DDO: variants seen among roughly 807,000 people sequenced by gnomAD.
The protein encoded by DDO is D-aspartate oxidase, DDO.
A neutral mutation model predicts 16.8 loss-of-function variants in DDO; 16 were observed. The ratio of observed to expected loss-of-function variants is 0.95; its 90% CI spans 0.65 to 1.45. The LOEUF (loss-of-function observed/expected upper bound fraction) is 1.45. DDO is among the 40% of genes most tolerant of loss of function. The probability of loss-of-function intolerance (pLI) is 0.00; values close to 1 mark genes in which losing one functional copy is unlikely to be tolerated. For synonymous variants in DDO, 180 were observed against 167.2 expected (o/e 1.08, Z -0.59); for missense variants, 429 against 420.3 (o/e 1.02, Z -0.18).
intron 4 of DDO, among the ~76,000 whole-genome samples, chr6:110,403,415 G>A (rs1773547212): frequency 6.6e-6 from 1 of 152,162 alleles, no homozygotes; most frequent in Non-Finnish European, 1.5e-5. Context: ...CAGGAAAGAT[G>A]GTGATGCTGC....
intron 4 of DDO, among the ~76,000 whole-genome samples, chr6:110,397,173 A>G (rs796570491): frequency 3.1e-4 from 47 of 152,290 alleles, no homozygotes; most frequent in African/African-American, 1.1e-3. Flanking sequence ...AAAAAGCATA[A>G]CACTGTGTCT....
chr6:110,414,435 C>G (rs974028584), intron 1 of DDO, among the ~76,000 whole-genome samples: 2 of 152,156 alleles, frequency 1.3e-5, no homozygotes, highest in African/African-American at 4.8e-5. Flanking sequence ...TAAGAGAGAC[C>G]CAGTGAGGCG....
chr6:110,415,410 C>G, intron 1 of DDO, 57 bp downstream of exon 1: 1 of 1,606,560 alleles, frequency 6.2e-7, no homozygotes, highest in Non-Finnish European at 8.5e-7. Flanking sequence ...GACACACTCC[C>G]AAACTCCCAG....
At chr6:110,415,394 T>A in intron 1 of DDO, 73 bp downstream of exon 1, 3 of 1,592,480 alleles carry the variant, frequency 1.9e-6, no homozygotes, top group Non-Finnish European at 2.6e-6. Flanking sequence ...CCCCTGACCC[T>A]ATTCAGACAC....
intron 4 of DDO, among the ~76,000 whole-genome samples, chr6:110,400,497 CG>C (rs1388176835): frequency 6.6e-6 from 1 of 152,186 alleles, no homozygotes; most frequent in Admixed American, 6.5e-5. Flanking sequence ...GGGAGGCTGG[CG>C]TCCCTGCCTC....
downstream of DDO, among the ~76,000 whole-genome samples, chr6:110,389,642 T>A (rs1773068680): frequency 6.6e-6 from 1 of 152,186 alleles, no homozygotes; most frequent in South Asian, 2.1e-4. Context: ...AAGCAAAGCA[T>A]CCTATATGGT....
intron 4 of DDO, among the ~76,000 whole-genome samples, chr6:110,402,466 A>G (rs1582480595): frequency 6.6e-6 from 1 of 152,138 alleles, no homozygotes; most frequent in African/African-American, 2.4e-5. Context: ...GGAGTTCGAG[A>G]CCAGCCTGGC....
intron 4 of DDO, among the ~76,000 whole-genome samples, chr6:110,394,542 C>G (rs916690247): frequency 4.6e-5 from 7 of 152,190 alleles, no homozygotes; most frequent in African/African-American, 7.2e-5. Flanking sequence ...TAGACGCAGG[C>G]CGAATGCTTG....
chr6:110,395,518 C>T (rs911416157), intron 4 of DDO, among the ~76,000 whole-genome samples: 6 of 151,932 alleles, frequency 3.9e-5, no homozygotes, highest in African/African-American at 9.7e-5. Context: ...CTCTGACTGC[C>T]GCAATCCAAG....
chr6:110,402,521 T>G (rs1773515807), intron 4 of DDO, among the ~76,000 whole-genome samples: 1 of 151,952 alleles, frequency 6.6e-6, no homozygotes, highest in Non-Finnish European at 1.5e-5. Context: ...AAAAATTAGC[T>G]GGGCGTGGTG....
At chr6:110,413,589 G>T in intron 1 of DDO, 123 bp from the exon 2 acceptor site, 1 of 942,182 alleles carries the variant, frequency 1.1e-6, no homozygotes, top group Non-Finnish European at 1.6e-6. Flanking sequence ...TAGCCTATTG[G>T]TGTTTCTTGT....
chr6:110,405,158 TC>T (rs1773607565), intron 3 of DDO, among the ~76,000 whole-genome samples: 1 of 152,090 alleles, frequency 6.6e-6, no homozygotes, highest in Non-Finnish European at 1.5e-5. Flanking sequence ...CACCTCAGCC[TC>T]CCGGGTAGCT....
intron 2 of DDO, among the ~76,000 whole-genome samples, chr6:110,411,532 C>T (rs1773858136): frequency 6.6e-6 from 1 of 151,968 alleles, no homozygotes; most frequent in African/African-American, 2.4e-5. Context: ...AATGAAAATT[C>T]GGAGAACAAA....
intron 3 of DDO, among the ~76,000 whole-genome samples, chr6:110,406,306 C>T (rs1266630568): frequency 6.6e-6 from 1 of 152,168 alleles, no homozygotes; most frequent in Non-Finnish European, 1.5e-5. Context: ...TGCACACACA[C>T]ACATCCACTC....
intron 4 of DDO, among the ~76,000 whole-genome samples, chr6:110,396,015 C>A (rs1019078796): frequency 6.6e-6 from 1 of 152,066 alleles, no homozygotes; most frequent in African/African-American, 2.4e-5. Context: ...GGAGACAGAG[C>A]AAGACACCAA....
Position 110,392,140 on chromosome 6 carries a change from G to T in DDO, c.*635C>A. On this transcript the variant is annotated 3_prime_UTR_variant, in exon 5 of 5. Coordinates refer to ENST00000368924, the MANE Select transcript of DDO (RefSeq NM_001372108.2). ...AGCTTGCTGCTAGTACTAGGAGCAA[G>T]CATGCTTTGTCTTCAATTAAATGTA... The T allele has an allele frequency of 1.0e-6, 1 of 973,842 alleles. No individual in the cohort carries two copies. The highest frequency in any genetic ancestry group is 4.8e-5 in the South Asian group (1 of 21,030). 60.3% of individuals were successfully genotyped at this position (973,842 alleles called of 1,614,324 possible).
intron 2 of DDO, among the ~76,000 whole-genome samples, chr6:110,412,268 A>AT (rs397801269): frequency 1.3e-5 from 2 of 151,592 alleles, no homozygotes; most frequent in Non-Finnish European, 2.9e-5. Flanking sequence ...AAAAAAAAAA[A>AT]TCCATGCATC....
In DDO at chr6:110,413,479, A is replaced by G; in HGVS notation, c.-4-13T>C. ...TGTGTCCATGAGCCTGTGAGGAGGG[A>G]AATGGGAGCTATACCCCTTGTTTTA... On this transcript the variant is annotated splice_polypyrimidine_tract_variant and intron_variant, in intron 1 of 4. Transcript: ENST00000368924. The G allele has an allele frequency of 6.2e-7, 1 of 1,611,398 alleles. No individual in the cohort carries two copies. Among genetic ancestry groups the G allele is most frequent in the Non-Finnish European group, 8.5e-7 (1 of 1,179,066 alleles).
chr6:110,393,842 C>A (rs753542269), intron 4 of DDO, among the ~76,000 whole-genome samples: 3 of 152,076 alleles, frequency 2.0e-5, no homozygotes, highest in Non-Finnish European at 4.4e-5. Flanking sequence ...TATGTTAGCA[C>A]GAGAAGAACA....
Sources: allele counts gnomAD v4.1 joint callset (sites outside exome capture counted in the v4.1 genomes callset), GRCh38; gene constraint gnomAD v4.1.1; transcripts MANE v1.5; gene names NCBI Gene and HGNC (gene_info 2026-07-23, HGNC 2026-07-21).